The following PCDH15 variants were observed in gnomAD, a reference collection of about 807,000 sequenced individuals.
PCDH15 encodes protocadherin related 15.
In PCDH15, 129 loss-of-function variants were observed where a neutral mutation model predicts 178.5. The ratio of observed to expected loss-of-function variants is 0.72; its 90% CI spans 0.63 to 0.84. The LOEUF is 0.84. PCDH15 is among the 40% of genes least tolerant of loss of function. PCDH15 has a pLI of 0.00. For synonymous variants in PCDH15, 800 were observed against 732.0 expected (o/e 1.09, Z -1.50); for missense variants, 2,230 against 2,099.9 (o/e 1.06, Z -1.21).
chr10:53,856,703 C>T (rs1466754385), intron 28 of PCDH15, among the ~76,000 whole-genome samples: 1 of 151,996 alleles, frequency 6.6e-6, no homozygotes, highest in Non-Finnish European at 1.5e-5. Flanking sequence ...AATTTTTATC[C>T]TTATTTGAAG....
At chr10:54,185,395 TAA>T in intron 11 of PCDH15, 127 bp from the exon 12 acceptor site, 1 of 1,059,318 alleles carries the variant, frequency 9.4e-7, no homozygotes, top group Admixed American at 2.1e-5. Flanking sequence ...TTTCTAACGA[TAA>T]AAGATATTTA....
chr10:53,963,728 G>A (rs570911682), intron 21 of PCDH15, among the ~76,000 whole-genome samples: 1 of 152,100 alleles, frequency 6.6e-6, no homozygotes, highest in African/African-American at 2.4e-5. Flanking sequence ...AAAGCCTAGG[G>A]GTAATCATTG....
At chr10:54,822,092 A>G (rs1002609044) in intron 3 of PCDH15, among the ~76,000 whole-genome samples, 11 of 152,176 alleles carry the variant, frequency 7.2e-5, no homozygotes, top group Non-Finnish European at 1.5e-4. Context: ...CAAGCATACA[A>G]TGTGCAACAA....
At chr10:54,467,924 A>G (rs575510716) in intron 3 of PCDH15, among the ~76,000 whole-genome samples, 1 of 151,648 alleles carries the variant, frequency 6.6e-6, no homozygotes, top group East Asian at 1.9e-4. Context: ...GAACTTGTTC[A>G]TTTTTTCTAG....
At chr10:53,837,094 CTA>C (rs2077351207) in intron 29 of PCDH15, among the ~76,000 whole-genome samples, 1 of 144,344 alleles carries the variant, frequency 6.9e-6, no homozygotes, top group Admixed American at 7.1e-5. Context: ...AACTGTGTGT[CTA>C]TGTGGGCGGG....
chr10:54,059,512 T>C (rs551367477), intron 18 of PCDH15, among the ~76,000 whole-genome samples: 19 of 152,242 alleles, frequency 1.2e-4, no homozygotes, highest in Non-Finnish European at 2.8e-4. Context: ...TCTCTCTTTC[T>C]TACATATACA....
chr10:54,609,668 T>A (rs2092897163), intron 2 of PCDH15, among the ~76,000 whole-genome samples: 1 of 152,016 alleles, frequency 6.6e-6, no homozygotes, highest in Admixed American at 6.6e-5. Flanking sequence ...CCAGAAAATA[T>A]ACTGCCACTG....
intron 2 of PCDH15, among the ~76,000 whole-genome samples, chr10:54,530,456 A>T (rs12217624): frequency 0.093 from 14,140 of 152,214 alleles, 992 homozygotes; most frequent in East Asian, 0.36. Context: ...CTCTCTCACA[A>T]GAGCTTCTTC....
At chr10:54,840,347 C>T (rs769186886) in intron 3 of PCDH15, among the ~76,000 whole-genome samples, 1 of 151,750 alleles carries the variant, frequency 6.6e-6, no homozygotes, top group African/African-American at 2.4e-5. Context: ...GTTTTTATAG[C>T]AATTTAGTTA....
intron 21 of PCDH15, among the ~76,000 whole-genome samples, chr10:53,972,987 C>A (rs2089868091): frequency 6.6e-6 from 1 of 152,112 alleles, no homozygotes; most frequent in Non-Finnish European, 1.5e-5. Flanking sequence ...AAGACACATG[C>A]ACACCTATGT....
chr10:54,664,461 A>C (rs2094539586), intron 1 of PCDH15, among the ~76,000 whole-genome samples, 171 bp from the exon 2 acceptor site: 1 of 152,102 alleles, frequency 6.6e-6, no homozygotes, highest in African/African-American at 2.4e-5. Context: ...ACTGTTTATC[A>C]ACATAAATTT....
intron 2 of PCDH15, among the ~76,000 whole-genome samples, chr10:55,065,622 C>T (rs370984419): frequency 6.6e-6 from 1 of 151,926 alleles, no homozygotes; most frequent in African/African-American, 2.4e-5. Context: ...GCCCTTCTGC[C>T]CAGCATCTAG....
intron 2 of PCDH15, chr10:55,166,563 C>T (rs1280900776): frequency 1.3e-5 from 2 of 152,068 alleles, no homozygotes; most frequent in East Asian, 3.9e-4. Flanking sequence ...AAGGAGGATA[C>T]CACTTTACTC....
At chr10:53,954,683 G>C (rs1014961968) in intron 23 of PCDH15, among the ~76,000 whole-genome samples, 11 of 152,102 alleles carry the variant, frequency 7.2e-5, no homozygotes, top group African/African-American at 2.4e-4. Context: ...AGTCCAGAAA[G>C]GTTTGGCTTG....
intron 18 of PCDH15, among the ~76,000 whole-genome samples, chr10:54,058,159 T>A (rs921997115): frequency 1.3e-5 from 2 of 152,208 alleles, no homozygotes; most frequent in African/African-American, 2.4e-5. Context: ...CCCTCCAAAC[T>A]GTTCCAACCC....
At chr10:54,190,651 C>T (rs898210377) in intron 11 of PCDH15, among the ~76,000 whole-genome samples, 2 of 152,196 alleles carry the variant, frequency 1.3e-5, no homozygotes, top group Non-Finnish European at 2.9e-5. Flanking sequence ...AGCCATCCTC[C>T]AGCCTCACTC....
intron 2 of PCDH15, among the ~76,000 whole-genome samples, chr10:55,134,779 C>T (rs893826390): frequency 1.3e-5 from 2 of 152,064 alleles, no homozygotes; most frequent in East Asian, 3.9e-4. Context: ...AGCTCAGCAG[C>T]GATTGAGTGT....
intron 23 of PCDH15, among the ~76,000 whole-genome samples, chr10:53,948,057 A>G (rs1446853737): frequency 1.3e-5 from 2 of 152,172 alleles, no homozygotes; most frequent in South Asian, 2.1e-4. Flanking sequence ...TCCCTGATTT[A>G]TGATGGTTTG....
At chr10:54,782,480 C>T (rs16906534) in intron 1 of PCDH15, among the ~76,000 whole-genome samples, 14,363 of 152,082 alleles carry the variant, frequency 0.094, 874 homozygotes, top group East Asian at 0.14. Flanking sequence ...TAATGTAAAA[C>T]GTAAAAGTAC....
Sources: allele counts gnomAD v4.1 joint callset (sites outside exome capture counted in the v4.1 genomes callset), GRCh38; gene constraint gnomAD v4.1.1; transcripts MANE v1.5; gene names NCBI Gene and HGNC (gene_info 2026-07-23, HGNC 2026-07-21).